ADAMTS19: variants seen among roughly 807,000 people sequenced by gnomAD.
ADAMTS19 encodes ADAM metallopeptidase with thrombospondin type 1 motif 19, also known as A disintegrin and metalloproteinase with thrombospondin motifs 19.
A neutral mutation model predicts 153.3 loss-of-function variants in ADAMTS19; 93 were observed. The observed-to-expected ratio is 0.61, with a 90% confidence interval of 0.51 to 0.72. The LOEUF (loss-of-function observed/expected upper bound fraction) is 0.72, where lower values mean the gene tolerates loss of function less well. Among genes scored for constraint, ADAMTS19 ranks in the 30% least tolerant of loss-of-function variants. The pLI is 0.00. For missense variants in ADAMTS19, 1,482 were observed against 1,552.1 expected (o/e 0.95, Z 0.76); for synonymous variants, 600 against 556.6 (o/e 1.08, Z -1.10).
chr5:129,644,330 G>A (rs2127030689), intron 11 of ADAMTS19, among the ~76,000 whole-genome samples: 1 of 152,248 alleles, frequency 6.6e-6, no homozygotes, highest in African/African-American at 2.4e-5. Context: ...CTCTGCCATT[G>A]TGTGCAGTAG....
chr5:129,543,040 G>GTTTTTTTTTTTTTTTTTTTTT (rs201935631), intron 6 of ADAMTS19, among the ~76,000 whole-genome samples: 1 of 144,752 alleles, frequency 6.9e-6, no homozygotes, highest in Non-Finnish European at 1.5e-5. Flanking sequence ...TGTTGTTGTT[G>GTTTTTTTTTTTTTTTTTTTTT]TTGTTTTGTT....
chr5:129,644,344 T>A (rs1752960350), intron 11 of ADAMTS19, among the ~76,000 whole-genome samples: 1 of 152,222 alleles, frequency 6.6e-6, no homozygotes, highest in African/African-American at 2.4e-5. Flanking sequence ...GCAGTAGTGC[T>A]AAAATATTTG....
Position 129,461,631 on chromosome 5 carries a change from C to A in ADAMTS19, c.621C>A (p.Pro207=). Residue 207 remains proline (P), a synonymous_variant, in exon 2 of 23, where the codon CCC becomes CCA. Coordinates refer to ENST00000274487, the MANE Select transcript of ADAMTS19 (RefSeq NM_133638.6). The surrounding 1 kb of genome is among the most constrained non-coding windows in gnomAD (Gnocchi z 4.6). ...TGGAACAGCGGCCAAATCCCGGCCCCGGCCCCACGGGGGCAGCATCCGCCC... is the reference window on the plus strand; with the variant it reads ...TGGAACAGCGGCCAAATCCCGGCCCAGGCCCCACGGGGGCAGCATCCGCCC... ...FAVEQRPNPG[P]GPTGAASAPQ... is the part of the protein sequence containing the mutation. 5 of 1,594,330 alleles carry A rather than the reference C, an allele frequency of 3.1e-6. No homozygotes were observed. The highest frequency in any genetic ancestry group is 4.6e-5 in the East Asian group (2 of 43,762).
intron 16 of ADAMTS19, 88 bp from the exon 17 acceptor site, chr5:129,679,676 G>T: frequency 2.6e-6 from 3 of 1,166,540 alleles, no homozygotes; most frequent in Non-Finnish European, 1.2e-6. Flanking sequence ...TAAATAAATG[G>T]ACTAGTTTTA....
intron 8 of ADAMTS19, among the ~76,000 whole-genome samples, chr5:129,614,947 G>A (rs1288598468): frequency 2.0e-5 from 3 of 152,198 alleles, no homozygotes; most frequent in South Asian, 2.1e-4. Flanking sequence ...TTGATTCAAC[G>A]AGAATGAAAT....
At chr5:129,607,620 T>C (rs1561598918) in intron 8 of ADAMTS19, among the ~76,000 whole-genome samples, 2 of 152,212 alleles carry the variant, frequency 1.3e-5, no homozygotes, top group Non-Finnish European at 2.9e-5. Context: ...GCAGTATATT[T>C]TTCCCTTTTG....
chr5:129,597,772 C>T (rs113478207), intron 8 of ADAMTS19, among the ~76,000 whole-genome samples: 58 of 151,798 alleles, frequency 3.8e-4, no homozygotes, highest in African/African-American at 1.2e-3. Context: ...CATGGTGGTA[C>T]GCGCCTGTAG....
At position 129,566,364 on chromosome 5, in the gene ADAMTS19, A is replaced by G. The variant is rs894346279; in HGVS notation, c.1372+14457A>G. ...TTTTATTTTTTGCAGAGAAGTAACT[A>G]TCTCTGTCTAGTTTCAGGTAAACTG... On this transcript the variant is annotated intron_variant, in intron 7 of 22. Transcript: ENST00000274487. Among the ~76,000 whole-genome samples, 7 of 152,296 alleles carry G rather than the reference A, an allele frequency of 4.6e-5. 1 individual carries two copies. In the South Asian group the frequency reaches 1.0e-3, roughly 23 times the overall value.
chr5:129,561,477 C>T (rs1753512470), intron 7 of ADAMTS19, among the ~76,000 whole-genome samples: 2 of 149,596 alleles, frequency 1.3e-5, no homozygotes, highest in African/African-American at 5.0e-5. Context: ...TGCAGTGAGC[C>T]GAGATTGCGC....
At chr5:129,724,257 A>C (rs565832323) in intron 21 of ADAMTS19, among the ~76,000 whole-genome samples, 9 of 152,168 alleles carry the variant, frequency 5.9e-5, no homozygotes, top group Non-Finnish European at 1.2e-4. Flanking sequence ...TTTTGGAGTA[A>C]ATTACTTTGA....
At chr5:129,485,320 G>A (rs2861443) in intron 2 of ADAMTS19, among the ~76,000 whole-genome samples, 25,862 of 152,068 alleles carry the variant, frequency 0.17, 3,051 homozygotes, top group African/African-American at 0.33. Context: ...AGAGCAAAAT[G>A]TCTCTAAACA....
At chr5:129,614,616 A>C (rs183344643) in intron 8 of ADAMTS19, among the ~76,000 whole-genome samples, 554 of 152,256 alleles carry the variant, frequency 3.6e-3, no homozygotes, top group Admixed American at 6.0e-3. Flanking sequence ...TTCCCTTTGA[A>C]AACTGGCACA....
chr5:129,638,596 C>T (rs1054588473), intron 10 of ADAMTS19, among the ~76,000 whole-genome samples: 1 of 145,808 alleles, frequency 6.9e-6, no homozygotes, highest in Admixed American at 6.8e-5. Flanking sequence ...CACACACACA[C>T]ACACACAAGC....
intron 10 of ADAMTS19, among the ~76,000 whole-genome samples, chr5:129,638,193 C>T (rs1393230149): frequency 6.6e-6 from 1 of 152,084 alleles, no homozygotes; most frequent in East Asian, 1.9e-4. Flanking sequence ...AATCTAAGTT[C>T]CTTGAAAGAG....
chr5:129,687,699 A>G (rs1280032312), intron 18 of ADAMTS19, among the ~76,000 whole-genome samples: 9 of 152,226 alleles, frequency 5.9e-5, no homozygotes, highest in Admixed American at 4.6e-4. Context: ...AGCCAGGATT[A>G]GAATCAATGA....
At chr5:129,525,253 A>C (rs1751967857) in intron 3 of ADAMTS19, among the ~76,000 whole-genome samples, 1 of 152,078 alleles carries the variant, frequency 6.6e-6, no homozygotes, top group African/African-American at 2.4e-5. Flanking sequence ...TCCCAGTTTA[A>C]TCTCTCAGCG....
intron 21 of ADAMTS19, among the ~76,000 whole-genome samples, chr5:129,720,174 A>ATATATATATATATATATATAT (rs1463139553): frequency 7.1e-5 from 8 of 113,316 alleles, no homozygotes; most frequent in African/African-American, 3.8e-4. Flanking sequence ...ATATATATTT[A>ATATATATATATATATATATAT]TTTTTTTTTT....
In ADAMTS19 at chr5:129,599,358, A is replaced by C. The variant is rs570886125; in HGVS notation, c.1478+2694A>C. 7.2e-5 allele frequency among the ~76,000 whole-genome samples: 11 copies of C among 152,274 alleles called. No homozygotes were observed. The South Asian group carries it at 2.3e-3, about 32-fold the overall frequency. ...TTTTACAAAGATACATGTCATCATA[A>C]ATATAATTCTCATAAAATACAGATT... On this transcript the variant is annotated intron_variant, in intron 8 of 22. Transcript: ENST00000274487.
At chr5:129,587,811 G>A (rs1282667612) in intron 7 of ADAMTS19, among the ~76,000 whole-genome samples, 1 of 151,950 alleles carries the variant, frequency 6.6e-6, no homozygotes, top group African/African-American at 2.4e-5. Flanking sequence ...CCACCCCCAG[G>A]TTTTTTGTTG....
Sources: gnomAD v4.1 joint callset for allele counts (sites outside exome capture counted in the v4.1 genomes callset) on GRCh38, gnomAD v4.1.1 for gene constraint, Gnocchi (gnomAD v3.1) non-coding constraint, MANE v1.5 for transcripts, NCBI Gene and HGNC (gene_info 2026-07-23, HGNC 2026-07-21) for gene names.